LPP: variants seen among roughly 807,000 people sequenced by gnomAD.
LPP encodes LIM domain containing preferred translocation partner in lipoma.
In LPP, 38 loss-of-function variants were observed where a neutral mutation model predicts 60.4. That is an observed-to-expected ratio of 0.63 (90% CI 0.49 to 0.83). The LOEUF (loss-of-function observed/expected upper bound fraction) is 0.83, where lower values mean the gene tolerates loss of function less well. Among genes scored for constraint, LPP ranks in the 40% least tolerant of loss-of-function variants. The pLI, the probability that LPP is intolerant of heterozygous loss-of-function variation, is 0.00. For missense variants in LPP, 902 were observed against 783.6 expected (o/e 1.15, Z -1.80); for synonymous variants, 328 against 290.8 (o/e 1.13, Z -1.30).
intron 4 of LPP, among the ~76,000 whole-genome samples, chr3:188,429,709 C>T (rs1303849847): frequency 6.6e-6 from 1 of 152,160 alleles, no homozygotes; most frequent in Non-Finnish European, 1.5e-5. Flanking sequence ...GACTCGTCTT[C>T]TTTTCTTTAA....
At chr3:188,180,957 A>G (rs1206013426) in intron 1 of LPP, 1 of 152,150 alleles carries the variant, frequency 6.6e-6, no homozygotes, top group Admixed American at 6.6e-5. Context: ...AAGGTAGATT[A>G]TTAGAATTTG....
intron 8 of LPP, chr3:188,710,561 G>T (rs1338922251): frequency 6.6e-6 from 1 of 152,124 alleles, no homozygotes; most frequent in African/African-American, 2.4e-5. Flanking sequence ...AATCCACGAA[G>T]GTTTCTAGTT....
intron 1 of LPP, among the ~76,000 whole-genome samples, chr3:188,163,972 G>A (rs1719172176): frequency 1.3e-5 from 2 of 149,574 alleles, no homozygotes; most frequent in African/African-American, 4.9e-5. Flanking sequence ...AAAAAAGTCT[G>A]CTGAATAAAC....
chr3:188,710,587 A>G (rs992660890), intron 8 of LPP: 19 of 152,206 alleles, frequency 1.2e-4, no homozygotes, highest in African/African-American at 4.3e-4. Context: ...AAAATACACA[A>G]AAAGTTTATT....
At chr3:188,247,283 C>T in intron 2 of LPP, 2 of 486,656 alleles carry the variant, frequency 4.1e-6, no homozygotes, top group Non-Finnish European at 5.3e-6. Flanking sequence ...AACGCTGAGG[C>T]TATTTTTAGA....
intron 2 of LPP, among the ~76,000 whole-genome samples, chr3:188,236,668 G>C (rs1410255275): frequency 6.6e-6 from 1 of 152,200 alleles, no homozygotes; most frequent in Non-Finnish European, 1.5e-5. Context: ...ACACTATACT[G>C]TAGTCTCTTA....
chr3:188,202,896 AC>A (rs1410951431), intron 1 of LPP, among the ~76,000 whole-genome samples: 2 of 151,802 alleles, frequency 1.3e-5, no homozygotes, highest in African/African-American at 4.8e-5. Flanking sequence ...GGATGAAGAA[AC>A]TGTGATTCAC....
At chr3:188,435,325 A>G (rs1792038481) in intron 4 of LPP, among the ~76,000 whole-genome samples, 1 of 152,138 alleles carries the variant, frequency 6.6e-6, no homozygotes, top group African/African-American at 2.4e-5. Flanking sequence ...ACTTTTTACC[A>G]CTAAATATTC....
intron 2 of LPP, among the ~76,000 whole-genome samples, chr3:188,280,108 A>G (rs1242899156): frequency 6.6e-6 from 1 of 152,206 alleles, no homozygotes; most frequent in Non-Finnish European, 1.5e-5. Context: ...TTGGCAGCCA[A>G]TCACTGCCTT....
intron 1 of LPP, among the ~76,000 whole-genome samples, chr3:188,175,880 A>G (rs1212606706): frequency 6.6e-6 from 1 of 151,914 alleles, no homozygotes; most frequent in Admixed American, 6.6e-5. Flanking sequence ...AATGCATACC[A>G]CTGAGGTGGT....
chr3:188,556,710 A>G (rs1829556906), intron 6 of LPP, among the ~76,000 whole-genome samples: 1 of 151,950 alleles, frequency 6.6e-6, no homozygotes, highest in South Asian at 2.1e-4. Context: ...ATGCTCTGCG[A>G]AACCATAGCT....
chr3:188,607,165 A>ACACACACACACACT (rs1242593405), intron 6 of LPP, among the ~76,000 whole-genome samples: 5 of 125,364 alleles, frequency 4.0e-5, no homozygotes, highest in African/African-American at 1.5e-4. Flanking sequence ...ACACACACAC[A>ACACACACACACACT]CTATTTAAAC....
intron 7 of LPP, among the ~76,000 whole-genome samples, chr3:188,632,056 C>T (rs926005132): frequency 7.9e-5 from 12 of 152,228 alleles, no homozygotes; most frequent in African/African-American, 2.2e-4. Flanking sequence ...TTTCCTTCCT[C>T]GTCAAAGCAT....
chr3:188,598,945 A>T (rs1482564769), intron 6 of LPP, among the ~76,000 whole-genome samples: 2 of 152,130 alleles, frequency 1.3e-5, no homozygotes, highest in East Asian at 3.9e-4. Context: ...CCCTGGCCTG[A>T]TTGGAGAAAA....
intron 2 of LPP, among the ~76,000 whole-genome samples, chr3:188,332,075 T>C (rs1296093682): frequency 6.6e-6 from 1 of 152,094 alleles, no homozygotes; most frequent in Admixed American, 6.5e-5. Context: ...CCTCCTTTCC[T>C]TCTCTCTTTT....
chr3:188,155,017 G>T (rs1715796172), intron 1 of LPP, among the ~76,000 whole-genome samples: 1 of 152,148 alleles, frequency 6.6e-6, no homozygotes, highest in Non-Finnish European at 1.5e-5. Flanking sequence ...ACATCTCTTC[G>T]AGGGAACCGT....
At chr3:188,735,340 T>C (rs991371757) in intron 8 of LPP, among the ~76,000 whole-genome samples, 3 of 152,066 alleles carry the variant, frequency 2.0e-5, no homozygotes, top group Non-Finnish European at 4.4e-5. Context: ...TAATTCTTAC[T>C]GTATGTAGTG....
chr3:188,501,362 C>A (rs960041538), intron 5 of LPP, among the ~76,000 whole-genome samples: 4 of 152,178 alleles, frequency 2.6e-5, no homozygotes, highest in Non-Finnish European at 5.9e-5. Context: ...CACCTGTAAT[C>A]TCAGCACTTT....
At position 188,572,508 on chromosome 3, in the gene LPP, G is replaced by A. The variant is rs1435570451; in HGVS notation, c.430-36653G>A. ...CTTTTTAATGTGAGCAGAGTGCAATGAAAGAATATTTTGGATTGACCAAAA... is the reference window on the plus strand; with the variant it reads ...CTTTTTAATGTGAGCAGAGTGCAATAAAAGAATATTTTGGATTGACCAAAA... On this transcript the variant is annotated intron_variant, in intron 6 of 11. Coordinates refer to ENST00000617246, the MANE Select transcript of LPP (RefSeq NM_001375462.1). This position sits in a 1 kb window ranked among gnomAD's most constrained non-coding sequence, Gnocchi z 4.1. 6.6e-6 allele frequency among the ~76,000 whole-genome samples: 1 copy of A among 152,012 alleles called. No individual in the cohort carries two copies. Among genetic ancestry groups the A allele is most frequent in the African/African-American group, 2.4e-5 (1 of 41,378 alleles).
Sources: allele counts gnomAD v4.1 joint callset (sites outside exome capture counted in the v4.1 genomes callset), GRCh38; gene constraint gnomAD v4.1.1; non-coding constraint Gnocchi (gnomAD v3.1); transcripts MANE v1.5; gene names NCBI Gene and HGNC (gene_info 2026-07-23, HGNC 2026-07-21).